The following PKIA variants were observed in gnomAD, a reference collection of about 807,000 sequenced individuals.
PKIA encodes the protein cAMP-dependent protein kinase inhibitor alpha.
PKIA carries 4 observed loss-of-function variants against 7.6 expected under a neutral mutation model. The ratio of observed to expected loss-of-function variants is 0.52; its 90% CI spans 0.26 to 1.20. The LOEUF is 1.20. Ranked by LOEUF, PKIA falls within the 50% of genes most tolerant of loss-of-function variation. The probability of loss-of-function intolerance (pLI) is 0.13; values close to 1 mark genes in which losing one functional copy is unlikely to be tolerated. For missense variants in PKIA, 73 were observed against 86.2 expected (o/e 0.85, Z 0.61); for synonymous variants, 21 against 30.7 (o/e 0.68, Z 1.04).
chr8:78,517,099 G>A (rs150968380), intron 1 of PKIA, among the ~76,000 whole-genome samples: 1 of 152,174 alleles, frequency 6.6e-6, no homozygotes, highest in African/African-American at 2.4e-5. Context: ...TTTCGGAGAT[G>A]CTGTGCCCAT....
intron 2 of PKIA, among the ~76,000 whole-genome samples, chr8:78,591,966 G>A (rs1808108272): frequency 6.6e-6 from 1 of 152,022 alleles, no homozygotes; most frequent in Non-Finnish European, 1.5e-5. Context: ...TTGTAATTTT[G>A]GGGGGTGAAT....
chr8:78,557,600 G>A (rs993622223), intron 1 of PKIA, among the ~76,000 whole-genome samples: 2 of 152,134 alleles, frequency 1.3e-5, no homozygotes, highest in Non-Finnish European at 2.9e-5. Flanking sequence ...TAATTACTTG[G>A]CTGTCAGCTG....
Position 78,598,489 on chromosome 8 carries a change from C to T in PKIA, c.105C>T (p.Ser35=). The change falls in exon 3 of 4, where the codon AGC becomes AGT. Residue 35 remains serine, a synonymous_variant. Transcript: ENST00000396418. ...DILVSSASGN[S]NELALKLAGL... is the part of the protein sequence containing the mutation. ...TGGTTTCCTCTGCAAGTGGCAACAGCAATGAATTAGCCTTGAAATTAGCAG... is the reference window on the plus strand; with the variant it reads ...TGGTTTCCTCTGCAAGTGGCAACAGTAATGAATTAGCCTTGAAATTAGCAG... The T allele has an allele frequency of 6.2e-7, 1 of 1,611,282 alleles. No individual in the cohort carries two copies. The highest frequency in any genetic ancestry group is 8.5e-7 in the Non-Finnish European group (1 of 1,178,110).
chr8:78,564,137 G>C (rs1356481941), intron 1 of PKIA, among the ~76,000 whole-genome samples: 1 of 151,626 alleles, frequency 6.6e-6, no homozygotes, highest in Non-Finnish European at 1.5e-5. Context: ...AAAGAAGAAA[G>C]ATGGGAATTT....
chr8:78,603,685 T>C lies in PKIA; in HGVS notation c.*1864T>C, dbSNP rs1411526234. 1 of 152,026 alleles carries C rather than the reference T, an allele frequency of 6.6e-6. No individual in the cohort carries two copies. Among genetic ancestry groups the C allele is most frequent in the Non-Finnish European group, 1.5e-5 (1 of 67,946 alleles). The allele number at this position is 152,026 out of a possible 1,614,324, so 9.4% of individuals were successfully genotyped here. A position where few individuals can be genotyped will look rare whatever the true frequency, so the allele number is the denominator to read the frequency against. On this transcript the variant is annotated 3_prime_UTR_variant, in exon 4 of 4. Transcript: ENST00000396418. ...TTATTTTAGGCAATCCCTGGTAAAC[T>C]GTTTAAACCATCAAACCCCTACAGT...
intron 1 of PKIA, among the ~76,000 whole-genome samples, chr8:78,528,248 G>A (rs1806297174): frequency 6.6e-6 from 1 of 152,016 alleles, no homozygotes; most frequent in African/African-American, 2.4e-5. Flanking sequence ...AACCCAAGTA[G>A]TATACTAGTA....
At chr8:78,547,204 G>A (rs908824111) in intron 1 of PKIA, among the ~76,000 whole-genome samples, 2 of 152,084 alleles carry the variant, frequency 1.3e-5, no homozygotes, top group Non-Finnish European at 2.9e-5. Context: ...TGCCTCCCAG[G>A]TTCAAGCAAC....
chr8:78,525,885 C>T (rs989842870), intron 1 of PKIA, among the ~76,000 whole-genome samples: 1 of 151,908 alleles, frequency 6.6e-6, no homozygotes, highest in African/African-American at 2.4e-5. Flanking sequence ...TTGAATCATA[C>T]CTTTACCATT....
chr8:78,592,743 T>C (rs562127016), intron 2 of PKIA, among the ~76,000 whole-genome samples: 1 of 152,326 alleles, frequency 6.6e-6, no homozygotes, highest in East Asian at 1.9e-4. Flanking sequence ...AGATAAGTCA[T>C]AACACAAGAC....
rs1484525138 is a variant in PKIA at position 78,604,003 on chromosome 8, G to A, written c.*2182G>A. The A allele has an allele frequency of 3.3e-5, 5 of 151,904 alleles. No homozygotes were observed. The highest frequency in any genetic ancestry group is 1.3e-4 in the Admixed American group (2 of 15,204). The allele number at this position is 151,904 out of a possible 1,614,324, so 9.4% of individuals were successfully genotyped here. The stretch of plus-strand genomic sequence containing the variant: ...TTTGTCTGCTATATTCAAACCCAAA[G>A]GCATTCCCAAGCTAGGGAGATAAAA... On this transcript the variant is annotated 3_prime_UTR_variant, in exon 4 of 4. Transcript: ENST00000396418.
At chr8:78,536,859 TACACACAC>T (rs58547049) in intron 1 of PKIA, among the ~76,000 whole-genome samples, 4,356 of 136,084 alleles carry the variant, frequency 0.032, 85 homozygotes, top group African/African-American at 0.058. Context: ...CTAGAAAACA[TACACACAC>T]ACACACACAC....
intron 1 of PKIA, among the ~76,000 whole-genome samples, chr8:78,560,084 T>C (rs1807248164): frequency 6.6e-6 from 1 of 152,224 alleles, no homozygotes; most frequent in Non-Finnish European, 1.5e-5. Context: ...TTGTTAAAAA[T>C]AGCTGGTACA....
chr8:78,583,784 A>G (rs1227511978), intron 2 of PKIA, among the ~76,000 whole-genome samples: 1 of 152,022 alleles, frequency 6.6e-6, no homozygotes. Flanking sequence ...TCCTTAACCC[A>G]TTTATGCCTA....
chr8:78,530,177 C>G (rs1806358450), intron 1 of PKIA, among the ~76,000 whole-genome samples: 1 of 152,030 alleles, frequency 6.6e-6, no homozygotes, highest in African/African-American at 2.4e-5. Flanking sequence ...AATACCAACT[C>G]TCTAAAGTTG....
chr8:78,532,974 A>G (rs1806430537), intron 1 of PKIA, among the ~76,000 whole-genome samples: 1 of 152,116 alleles, frequency 6.6e-6, no homozygotes, highest in African/African-American at 2.4e-5. Flanking sequence ...TTATTTGTCC[A>G]GCGCCTGGTC....
At chr8:78,582,982 G>GA (rs1206202937) in intron 2 of PKIA, among the ~76,000 whole-genome samples, 2 of 152,076 alleles carry the variant, frequency 1.3e-5, no homozygotes, top group East Asian at 1.9e-4. Flanking sequence ...TTAGAAAAAT[G>GA]AAAAACTTCT....
chr8:78,560,151 C>A (rs1425454834), intron 1 of PKIA, among the ~76,000 whole-genome samples: 1 of 152,182 alleles, frequency 6.6e-6, no homozygotes, highest in Non-Finnish European at 1.5e-5. Context: ...ATTTCACAGT[C>A]GTTAGCCTTT....
chr8:78,517,357 T>C lies in PKIA; in HGVS notation c.-157+889T>C, dbSNP rs59622100. ...CTACTTGAAAGCTAGAGAGGACAGATAGAATCTACTGGAGTGTGAGGGATG... is the reference window on the plus strand; with the variant it reads ...CTACTTGAAAGCTAGAGAGGACAGACAGAATCTACTGGAGTGTGAGGGATG... On this transcript the variant is annotated intron_variant, in intron 1 of 3. Coordinates refer to ENST00000396418, the MANE Select transcript of PKIA (RefSeq NM_006823.4). Among the ~76,000 whole-genome samples the C allele has an allele frequency of 9.9e-3, 1,514 of 152,304 alleles. 23 individuals carry two copies. Among genetic ancestry groups the C allele is most frequent in the African/African-American group, 0.035 (1,439 of 41,574 alleles).
intron 1 of PKIA, among the ~76,000 whole-genome samples, chr8:78,554,207 AAAG>A (rs1044103521): frequency 1.1e-4 from 17 of 152,030 alleles, no homozygotes; most frequent in African/African-American, 2.4e-4. Flanking sequence ...TTTTAATTGC[AAAG>A]AAGTGAAAAA....
Sources: allele counts gnomAD v4.1 joint callset (sites outside exome capture counted in the v4.1 genomes callset), GRCh38; gene constraint gnomAD v4.1.1; transcripts MANE v1.5; gene names NCBI Gene and HGNC (gene_info 2026-07-23, HGNC 2026-07-21).